Variants in KCNQ5 observed in about 807,000 individuals in gnomAD.
The protein encoded by KCNQ5 is potassium voltage-gated channel subfamily KQT member 5.
In KCNQ5, 30 loss-of-function variants were observed where a neutral mutation model predicts 98.2. The ratio of observed to expected loss-of-function variants is 0.31; its 90% CI spans 0.23 to 0.41. The LOEUF is 0.41. Ranked by LOEUF, KCNQ5 falls within the 10% of genes least tolerant of loss-of-function variation. The pLI is 1.00. For synonymous variants in KCNQ5, 458 were observed against 449.4 expected, an observed-to-expected ratio of 1.02 and a Z score of -0.24; for missense variants, 835 against 1,182.5, an observed-to-expected ratio of 0.71 and a Z score of 4.31.
rs567613409 is a variant in KCNQ5 at position 73,164,268 on chromosome 6, A to G, written c.1469-5478A>G. ...GAAGCAGAAAGACAGCATCTTGCTC[A>G]TTTTTGTAGCTTTGAAGCAAGAAAA... On this transcript the variant is annotated intron_variant, in intron 10 of 13. Transcript: ENST00000370398. Among the ~76,000 whole-genome samples the G allele has an allele frequency of 3.3e-5, 5 of 152,246 alleles. No individual in the cohort carries two copies. The South Asian group carries it at 1.0e-3, about 32-fold the overall frequency.
At position 73,003,896 on chromosome 6, in the gene KCNQ5, G is replaced by T; in HGVS notation, c.399-12G>T. 5 of 1,570,588 alleles carry T rather than the reference G, an allele frequency of 3.2e-6. No homozygotes were observed. The highest frequency in any genetic ancestry group is 3.5e-6 in the Non-Finnish European group (4 of 1,142,316). On this transcript the variant is annotated splice_polypyrimidine_tract_variant and intron_variant, in intron 1 of 13. Coordinates refer to ENST00000370398, the MANE Select transcript of KCNQ5 (RefSeq NM_019842.4). ...AGGTTCTTATCAGATTTCTCTTTTT[G>T]TTGTTTTACAGTTTTCTCCTTGTCT...
intron 1 of KCNQ5, among the ~76,000 whole-genome samples, chr6:72,688,284 GT>G (rs1489139471): frequency 6.6e-6 from 1 of 152,064 alleles, no homozygotes; most frequent in Non-Finnish European, 1.5e-5. Context: ...GATTTCCCAG[GT>G]TACTAGGTTC....
At chr6:72,937,511 G>A (rs972779157) in intron 1 of KCNQ5, among the ~76,000 whole-genome samples, 8 of 152,132 alleles carry the variant, frequency 5.3e-5, no homozygotes, top group African/African-American at 1.9e-4. Flanking sequence ...TCAAGTTAAA[G>A]TATGTTTCAA....
intron 10 of KCNQ5, among the ~76,000 whole-genome samples, chr6:73,150,272 T>C (rs1156522057): frequency 6.6e-6 from 1 of 151,740 alleles, no homozygotes; most frequent in African/African-American, 2.4e-5. Context: ...GGGAAAACAG[T>C]TTAGTAGTTT....
chr6:73,129,698 A>T, intron 9 of KCNQ5: 1 of 1,025,916 alleles, frequency 9.7e-7, no homozygotes, highest in Non-Finnish European at 1.5e-6. Context: ...AAAAACAATA[A>T]AGCCAAATGG....
chr6:73,015,696 C>T (rs530049913), intron 2 of KCNQ5, among the ~76,000 whole-genome samples: 1 of 152,154 alleles, frequency 6.6e-6, no homozygotes, highest in Admixed American at 6.5e-5. Context: ...CCCTTTTGAG[C>T]TTCACAAAAG....
intron 1 of KCNQ5, among the ~76,000 whole-genome samples, chr6:72,875,807 G>A (rs991958309): frequency 6.6e-6 from 1 of 151,796 alleles, no homozygotes; most frequent in Admixed American, 6.6e-5. Context: ...TAATGTACCT[G>A]CTATCAATAA....
chr6:73,024,129 C>T (rs1374126779), intron 2 of KCNQ5, among the ~76,000 whole-genome samples: 1 of 152,160 alleles, frequency 6.6e-6, no homozygotes. Context: ...GACAACCACA[C>T]ACCTAAGCTA....
chr6:72,826,260 A>T (rs982440951), intron 1 of KCNQ5, among the ~76,000 whole-genome samples: 1 of 152,168 alleles, frequency 6.6e-6, no homozygotes, highest in African/African-American at 2.4e-5. Flanking sequence ...AAGATTAGTC[A>T]TTAGATCCCA....
At chr6:73,102,853 TG>T (rs1025062221) in intron 5 of KCNQ5, among the ~76,000 whole-genome samples, 19 of 152,310 alleles carry the variant, frequency 1.2e-4, no homozygotes, top group African/African-American at 4.3e-4. Context: ...TTGGTGGGAA[TG>T]TAAATTAGTA....
At chr6:73,035,678 G>A (rs1276734958) in intron 2 of KCNQ5, among the ~76,000 whole-genome samples, 2 of 152,132 alleles carry the variant, frequency 1.3e-5, no homozygotes, top group Non-Finnish European at 2.9e-5. Context: ...GATTTAGAGA[G>A]TACCTCTAAA....
intron 1 of KCNQ5, among the ~76,000 whole-genome samples, chr6:72,720,084 A>G (rs1769868358): frequency 1.3e-5 from 2 of 152,180 alleles, no homozygotes; most frequent in South Asian, 4.1e-4. Flanking sequence ...GCTCATCATC[A>G]TGCCACCATG....
intron 10 of KCNQ5, among the ~76,000 whole-genome samples, chr6:73,150,354 T>C (rs530876318): frequency 2.1e-4 from 32 of 151,264 alleles, no homozygotes; most frequent in African/African-American, 7.0e-4. Flanking sequence ...AGAGAAATTG[T>C]TATGTTCCCA....
At chr6:72,872,730 A>G (rs868669388) in intron 1 of KCNQ5, among the ~76,000 whole-genome samples, 7 of 152,134 alleles carry the variant, frequency 4.6e-5, no homozygotes, top group Non-Finnish European at 1.0e-4. Flanking sequence ...CGCGAATTGT[A>G]CAAAAATAGG....
chr6:72,740,577 G>A (rs955838809), intron 1 of KCNQ5, among the ~76,000 whole-genome samples: 1 of 152,126 alleles, frequency 6.6e-6, no homozygotes, highest in African/African-American at 2.4e-5. Context: ...AGGATCTGGG[G>A]AGAGATCACA....
At chr6:72,975,976 G>A (rs2150290422) in intron 1 of KCNQ5, among the ~76,000 whole-genome samples, 1 of 152,248 alleles carries the variant, frequency 6.6e-6, no homozygotes, top group Non-Finnish European at 1.5e-5. Context: ...GAATCATGTA[G>A]GTCTAATCAG....
At chr6:73,157,147 A>G (rs1367088850) in intron 10 of KCNQ5, among the ~76,000 whole-genome samples, 1 of 152,258 alleles carries the variant, frequency 6.6e-6, no homozygotes, top group Non-Finnish European at 1.5e-5. Context: ...CATTCGTGCC[A>G]GGAAACATGC....
intron 1 of KCNQ5, among the ~76,000 whole-genome samples, chr6:72,984,744 T>C (rs1235448360): frequency 1.3e-5 from 2 of 152,182 alleles, no homozygotes; most frequent in Admixed American, 6.5e-5. Context: ...CCCAGTGAGA[T>C]GAACCAGGTA....
At chr6:72,678,766 T>C (rs1329888501) in intron 1 of KCNQ5, among the ~76,000 whole-genome samples, 1 of 152,196 alleles carries the variant, frequency 6.6e-6, no homozygotes, top group East Asian at 1.9e-4. Context: ...AAGTAATTAT[T>C]TCTTTCCCAC....
Sources: allele counts gnomAD v4.1 joint callset (sites outside exome capture counted in the v4.1 genomes callset), GRCh38; gene constraint gnomAD v4.1.1; transcripts MANE v1.5; gene names NCBI Gene and HGNC (gene_info 2026-07-23, HGNC 2026-07-21).